GRID1: variants seen among roughly 807,000 people sequenced by gnomAD.
GRID1 encodes the protein glutamate ionotropic receptor delta type subunit 1.
Under a neutral mutation model 98.0 loss-of-function variants are expected in GRID1, and 28 were observed. That is an observed-to-expected ratio of 0.29 (90% confidence interval 0.21 to 0.39). The LOEUF (loss-of-function observed/expected upper bound fraction) is 0.39. Ranked by LOEUF, GRID1 falls within the 10% of genes least tolerant of loss-of-function variation. The pLI is 1.00. For synonymous variants in GRID1, 553 were observed against 538.5 expected, an observed-to-expected ratio of 1.03 and a Z score of -0.37; for missense variants, 1,111 against 1,340.5, an observed-to-expected ratio of 0.83 and a Z score of 2.67.
intron 4 of GRID1, among the ~76,000 whole-genome samples, chr10:86,125,596 T>C (rs539508113): frequency 1.2e-3 from 184 of 152,336 alleles, no homozygotes; most frequent in African/African-American, 4.0e-3. Flanking sequence ...ACAACACAGA[T>C]TGGAACTGTG....
intron 12 of GRID1, among the ~76,000 whole-genome samples, chr10:85,668,372 G>T (rs1325857842): frequency 6.6e-6 from 1 of 152,210 alleles, no homozygotes; most frequent in Non-Finnish European, 1.5e-5. Flanking sequence ...GTGGGCTGAT[G>T]TGTGTCCTCT....
intron 3 of GRID1, among the ~76,000 whole-genome samples, chr10:86,179,169 G>T (rs1454738834): frequency 6.6e-6 from 1 of 151,344 alleles, no homozygotes; most frequent in Non-Finnish European, 1.5e-5. Flanking sequence ...CTCCACTGGG[G>T]CCCACAGCAC....
intron 5 of GRID1, among the ~76,000 whole-genome samples, chr10:85,880,725 C>G (rs985698677): frequency 2.4e-4 from 37 of 152,074 alleles, no homozygotes; most frequent in African/African-American, 7.7e-4. Context: ...GACAGGGATG[C>G]CCCCTCTCAC....
intron 8 of GRID1, among the ~76,000 whole-genome samples, chr10:85,837,428 C>A (rs1842920731): frequency 6.6e-6 from 1 of 152,200 alleles, no homozygotes; most frequent in African/African-American, 2.4e-5. Flanking sequence ...AGCTGTCGCA[C>A]CTTGGCATCC....
chr10:85,987,222 G>C (rs900482171), intron 4 of GRID1, among the ~76,000 whole-genome samples: 2 of 151,994 alleles, frequency 1.3e-5, no homozygotes, highest in African/African-American at 4.8e-5. Context: ...ACCTTGAACA[G>C]CCTGGACTGC....
At chr10:85,707,871 C>A (rs1198964749) in intron 12 of GRID1, among the ~76,000 whole-genome samples, 2 of 151,966 alleles carry the variant, frequency 1.3e-5, no homozygotes, top group South Asian at 2.1e-4. Context: ...GGACAAAAAA[C>A]CAAACATCAC....
intron 4 of GRID1, among the ~76,000 whole-genome samples, chr10:86,016,009 AG>A (rs1474929331): frequency 6.6e-6 from 1 of 152,060 alleles, no homozygotes; most frequent in African/African-American, 2.4e-5. Context: ...CCACATAGAC[AG>A]GGAAGTTACC....
chr10:85,741,304 A>C (rs1161835532), intron 8 of GRID1, among the ~76,000 whole-genome samples: 1 of 152,116 alleles, frequency 6.6e-6, no homozygotes, highest in East Asian at 1.9e-4. Context: ...TGTCTTTTGC[A>C]TGATTTTGTG....
chr10:86,251,395 G>T (rs541989915), intron 2 of GRID1, among the ~76,000 whole-genome samples: 4 of 150,588 alleles, frequency 2.7e-5, no homozygotes, highest in African/African-American at 9.8e-5. Context: ...ATTTTTATAT[G>T]CAATATGACA....
intron 4 of GRID1, among the ~76,000 whole-genome samples, chr10:86,039,977 C>G (rs1843322950): frequency 6.6e-6 from 1 of 152,150 alleles, no homozygotes; most frequent in South Asian, 2.1e-4. Context: ...CCCTGTGGAT[C>G]AGAAGCCCCT....
At chr10:86,231,461 T>C (rs1846451401) in intron 2 of GRID1, among the ~76,000 whole-genome samples, 1 of 152,096 alleles carries the variant, frequency 6.6e-6, no homozygotes, top group African/African-American at 2.4e-5. Flanking sequence ...CCAGACCCCC[T>C]AAGTGAACCC....
intron 4 of GRID1, among the ~76,000 whole-genome samples, chr10:85,946,344 A>G (rs1014202625): frequency 6.6e-6 from 1 of 152,250 alleles, no homozygotes; most frequent in Non-Finnish European, 1.5e-5. Flanking sequence ...AGGTAAGGTC[A>G]CTGCTCTGAA....
At chr10:86,011,533 T>C (rs936733460) in intron 4 of GRID1, among the ~76,000 whole-genome samples, 3 of 152,036 alleles carry the variant, frequency 2.0e-5, no homozygotes, top group African/African-American at 7.3e-5. Context: ...GTGCTCTGTA[T>C]AAATGAAGGA....
At chr10:85,933,285 TAA>T (rs59704249) in intron 4 of GRID1, among the ~76,000 whole-genome samples, 9,174 of 119,448 alleles carry the variant, frequency 0.077, 374 homozygotes, top group Middle Eastern at 0.095. Flanking sequence ...CTCTGTTCTT[TAA>T]AAAAAAAAAA....
chr10:86,011,090 T>C (rs1410835174), intron 4 of GRID1, among the ~76,000 whole-genome samples: 1 of 152,094 alleles, frequency 6.6e-6, no homozygotes, highest in East Asian at 1.9e-4. Context: ...ATGGTCAAAA[T>C]GAAAATGTGA....
At chr10:86,015,337 T>C (rs1256484033) in intron 4 of GRID1, among the ~76,000 whole-genome samples, 1 of 152,242 alleles carries the variant, frequency 6.6e-6, no homozygotes, top group Non-Finnish European at 1.5e-5. Context: ...TCCCTTTCAG[T>C]TGGTTAGAAA....
intron 4 of GRID1, among the ~76,000 whole-genome samples, chr10:85,932,109 G>A (rs1839857233): frequency 6.6e-6 from 1 of 152,200 alleles, no homozygotes; most frequent in South Asian, 2.1e-4. Flanking sequence ...GAGGCTCTCA[G>A]AGGCCTGCCG....
intron 15 of GRID1, among the ~76,000 whole-genome samples, chr10:85,607,379 C>A (rs1204337354): frequency 2.6e-5 from 4 of 152,114 alleles, no homozygotes; most frequent in Admixed American, 6.5e-5. Flanking sequence ...TATCCTATTA[C>A]CACTGACACC....
chr10:85,773,683 GGCAA>G (rs1194074901), intron 8 of GRID1, among the ~76,000 whole-genome samples: 1 of 152,080 alleles, frequency 6.6e-6, no homozygotes, highest in Non-Finnish European at 1.5e-5. Flanking sequence ...ACCAATAACA[GGCAA>G]ACAGAGAGCC....
Sources: allele counts gnomAD v4.1 joint callset (sites outside exome capture counted in the v4.1 genomes callset), GRCh38; gene constraint gnomAD v4.1.1; transcripts MANE v1.5; gene names NCBI Gene and HGNC (gene_info 2026-07-23, HGNC 2026-07-21).